Variants in PTPRN2 observed in about 807,000 individuals in gnomAD.
PTPRN2 encodes the protein receptor-type tyrosine-protein phosphatase N2.
A neutral mutation model predicts 118.8 loss-of-function variants in PTPRN2; 74 were observed. That is an observed-to-expected ratio of 0.62 (90% CI 0.52 to 0.76). The LOEUF is 0.76. Ranked by LOEUF, PTPRN2 falls within the 30% of genes least tolerant of loss-of-function variation. PTPRN2 has a pLI of 0.00. For missense variants in PTPRN2, 1,481 were observed against 1,394.4 expected (o/e 1.06, Z -0.99); for synonymous variants, 641 against 608.0 (o/e 1.05, Z -0.80).
In PTPRN2 at chr7:157,632,603, G is replaced by T. The variant is rs1288043952; in HGVS notation, c.2197-11094C>A. On this transcript the variant is annotated intron_variant, in intron 14 of 22. Transcript: ENST00000389418. This position sits in a 1 kb window ranked among gnomAD's most constrained non-coding sequence, Gnocchi z 4.3. Reference sequence around the variant, plus strand: ...TCATATTAGGGAGTGTGCGTAGGAGGGGGTGACAGGGGTCACCTGCAGAAA... The same window carrying T: ...TCATATTAGGGAGTGTGCGTAGGAGTGGGTGACAGGGGTCACCTGCAGAAA... Among the ~76,000 whole-genome samples, 1 of 152,134 alleles carries T rather than the reference G, an allele frequency of 6.6e-6. No individual in the cohort carries two copies. Among genetic ancestry groups the T allele is most frequent in the Non-Finnish European group, 1.5e-5 (1 of 68,034 alleles).
intron 12 of PTPRN2, among the ~76,000 whole-genome samples, chr7:157,778,707 T>C (rs575275189): frequency 1.3e-5 from 2 of 149,216 alleles, no homozygotes; most frequent in Non-Finnish European, 3.0e-5. Flanking sequence ...TGAACGCCCA[T>C]GTAAACATGT....
At chr7:158,242,359 C>T (rs1399917810) in intron 3 of PTPRN2, among the ~76,000 whole-genome samples, 1 of 152,182 alleles carries the variant, frequency 6.6e-6, no homozygotes, top group Non-Finnish European at 1.5e-5. Flanking sequence ...AGCGTGTCTG[C>T]AAAGTGGAGA....
In PTPRN2 at chr7:157,560,174, C is replaced by A. The variant is rs1001186490; in HGVS notation, c.2902+8728G>T. Among the ~76,000 whole-genome samples, 6 of 152,168 alleles carry A rather than the reference C, an allele frequency of 3.9e-5. No individual in the cohort carries two copies. Among genetic ancestry groups the A allele is most frequent in the African/African-American group, 1.4e-4 (6 of 41,438 alleles). On this transcript the variant is annotated intron_variant, in intron 21 of 22. Transcript: ENST00000389418. The surrounding 1 kb of genome is among the most constrained non-coding windows in gnomAD (Gnocchi z 6.7). Reference sequence around the variant, plus strand: ...TCAGACCCAGGAGTGGGTGAGGAGCCCCTGCAGCCAGGCTATGTGAACCCT... The same window carrying A: ...TCAGACCCAGGAGTGGGTGAGGAGCACCTGCAGCCAGGCTATGTGAACCCT...
intron 12 of PTPRN2, among the ~76,000 whole-genome samples, chr7:157,760,977 A>T (rs1398991611): frequency 6.6e-6 from 1 of 152,144 alleles, no homozygotes. Context: ...GAGCCAAATC[A>T]TGAGTGAACT....
intron 13 of PTPRN2, among the ~76,000 whole-genome samples, chr7:157,678,027 T>C (rs1227663732): frequency 6.6e-6 from 1 of 152,236 alleles, no homozygotes; most frequent in African/African-American, 2.4e-5. Flanking sequence ...TTGGAAAGGA[T>C]TATAAAATTA....
intron 2 of PTPRN2, among the ~76,000 whole-genome samples, chr7:158,319,323 G>A (rs1355885954): frequency 6.6e-6 from 1 of 151,914 alleles, no homozygotes; most frequent in Non-Finnish European, 1.5e-5. Context: ...GAGCAGTTTA[G>A]ATTACTGCAA....
intron 10 of PTPRN2, among the ~76,000 whole-genome samples, chr7:158,100,275 G>A (rs1815127359): frequency 6.6e-6 from 1 of 150,562 alleles, no homozygotes; most frequent in African/African-American, 2.5e-5. Flanking sequence ...GTGTGTGTGT[G>A]TGTGCCACGA....
chr7:158,037,975 G>A (rs760497200), intron 11 of PTPRN2, among the ~76,000 whole-genome samples: 2 of 152,182 alleles, frequency 1.3e-5, no homozygotes, highest in African/African-American at 2.4e-5. Context: ...GTCTGAATCC[G>A]CTAACCTCCC....
At chr7:158,439,518 G>A (rs1258214688) in intron 2 of PTPRN2, among the ~76,000 whole-genome samples, 1 of 152,124 alleles carries the variant, frequency 6.6e-6, no homozygotes, top group Non-Finnish European at 1.5e-5. Context: ...AAGAAGAAGA[G>A]GAGAAGGAGT....
intron 12 of PTPRN2, among the ~76,000 whole-genome samples, chr7:157,848,335 C>T (rs192759873): frequency 6.7e-6 from 1 of 149,130 alleles, no homozygotes; most frequent in Non-Finnish European, 1.5e-5. Context: ...CTCTCACTCC[C>T]TCATGGGTGC....
intron 1 of PTPRN2, among the ~76,000 whole-genome samples, chr7:158,521,345 T>G (rs1057194028): frequency 6.6e-6 from 1 of 152,232 alleles, no homozygotes; most frequent in Non-Finnish European, 1.5e-5. Flanking sequence ...GTTGCTGAGT[T>G]AGAGACAGTA....
intron 11 of PTPRN2, among the ~76,000 whole-genome samples, chr7:158,025,602 A>C (rs1388340398): frequency 6.6e-6 from 1 of 152,342 alleles, no homozygotes; most frequent in South Asian, 2.1e-4. Context: ...AAACACACAC[A>C]TATGTGACCA....
rs548955189 is a variant in PTPRN2 at position 157,615,784 on chromosome 7, G to C, written c.2344+5578C>G. 5.9e-4 allele frequency: 215 copies of C among 367,418 alleles called. No homozygotes were observed. The highest frequency in any genetic ancestry group is 4.1e-3 in the African/African-American group (194 of 47,274). The allele number at this position is 367,418 out of a possible 1,614,324, so 22.8% of individuals were successfully genotyped here. The stretch of plus-strand genomic sequence containing the variant: ...ATCGGTTACAGGAGATGAACACAAG[G>C]CTCGATTCTCCTGTTAAACTTGACT... On this transcript the variant is annotated intron_variant, in intron 15 of 22. Coordinates refer to ENST00000389418, the MANE Select transcript of PTPRN2 (RefSeq NM_002847.5). The surrounding 1 kb of genome is among the most constrained non-coding windows in gnomAD (Gnocchi z 4.3).
chr7:158,206,684 A>T lies in PTPRN2; in HGVS notation c.278-1411T>A, dbSNP rs146994103. On this transcript the variant is annotated intron_variant, in intron 3 of 22. Coordinates refer to ENST00000389418, the MANE Select transcript of PTPRN2 (RefSeq NM_002847.5). ...GTATCCAAGACTGCCAAGGTGATAC[A>T]TCTGTGAGTCTGAAACAGCCATGAA... is the stretch of plus-strand genomic sequence containing the variant. Among the ~76,000 whole-genome samples the T allele has an allele frequency of 2.1e-3, 315 of 152,318 alleles. 2 individuals carry two copies. Among genetic ancestry groups the T allele is most frequent in the African/African-American group, 7.3e-3 (303 of 41,568 alleles).
intron 2 of PTPRN2, among the ~76,000 whole-genome samples, chr7:158,434,654 A>G (rs940197683): frequency 6.6e-6 from 1 of 152,120 alleles, no homozygotes; most frequent in Non-Finnish European, 1.5e-5. Flanking sequence ...GAAATTACTA[A>G]TATATTGGGA....
intron 11 of PTPRN2, among the ~76,000 whole-genome samples, chr7:157,899,449 C>CA (rs1264272490): frequency 6.6e-6 from 1 of 152,176 alleles, no homozygotes; most frequent in African/African-American, 2.4e-5. Flanking sequence ...TGTCACAAGG[C>CA]AATTGACCTT....
chr7:157,785,008 C>T lies in PTPRN2; in HGVS notation c.1789-102071G>A, dbSNP rs766406972. ...CTCTGTCCAGGCGGCTGAGGTCACGCGGTCTCTTCAGTTTCCATTTTTCCA... is the reference window on the plus strand; with the variant it reads ...CTCTGTCCAGGCGGCTGAGGTCACGTGGTCTCTTCAGTTTCCATTTTTCCA... On this transcript the variant is annotated intron_variant, in intron 12 of 22. Coordinates refer to ENST00000389418, the MANE Select transcript of PTPRN2 (RefSeq NM_002847.5). The surrounding 1 kb of genome is among the most constrained non-coding windows in gnomAD (Gnocchi z 7.3). Among the ~76,000 whole-genome samples, 7 of 152,164 alleles carry T rather than the reference C, an allele frequency of 4.6e-5. No individual in the cohort carries two copies. Among genetic ancestry groups the T allele is most frequent in the African/African-American group, 1.2e-4 (5 of 41,440 alleles).
At chr7:157,887,477 C>CCACTCTCCCAGTACG (rs1796526704) in intron 12 of PTPRN2, among the ~76,000 whole-genome samples, 6 of 88,008 alleles carry the variant, frequency 6.8e-5, no homozygotes, top group Admixed American at 1.2e-4. Context: ...CCCCCATTAC[C>CCACTCTCCCAGTACG]TGCTGCTGCC....
At chr7:157,933,602 C>A (rs1018237838) in intron 11 of PTPRN2, among the ~76,000 whole-genome samples, 1 of 148,702 alleles carries the variant, frequency 6.7e-6, no homozygotes, top group Admixed American at 6.7e-5. Context: ...CTCTGATTGA[C>A]AGTTTTAGTG....
Sources: gnomAD v4.1 joint callset for allele counts (sites outside exome capture counted in the v4.1 genomes callset) on GRCh38, gnomAD v4.1.1 for gene constraint, Gnocchi (gnomAD v3.1) non-coding constraint, MANE v1.5 for transcripts, NCBI Gene and HGNC (gene_info 2026-07-23, HGNC 2026-07-21) for gene names.